Variants in SDK1 observed in about 807,000 individuals in gnomAD.
SDK1 encodes sidekick cell adhesion molecule 1.
In SDK1, 157 loss-of-function variants were observed where a neutral mutation model predicts 245.5. The ratio of observed to expected loss-of-function variants is 0.64; its 90% CI spans 0.56 to 0.73. SDK1 has a LOEUF of 0.73. Ranked by LOEUF, SDK1 falls within the 30% of genes least tolerant of loss-of-function variation. SDK1 has a pLI of 0.00. For synonymous variants in SDK1, 1,647 were observed against 1,278.5 expected (o/e 1.29, Z -6.15); for missense variants, 3,583 against 3,002.3 (o/e 1.19, Z -4.52).
chr7:3,829,526 A>T (rs190317804), intron 5 of SDK1, among the ~76,000 whole-genome samples: 10 of 152,296 alleles, frequency 6.6e-5, no homozygotes, highest in African/African-American at 2.4e-4. Context: ...AGAATAGTCA[A>T]TGGGAAGTTT....
chr7:3,316,627 G>A (rs1779668639), intron 1 of SDK1, among the ~76,000 whole-genome samples: 1 of 152,194 alleles, frequency 6.6e-6, no homozygotes, highest in Non-Finnish European at 1.5e-5. Context: ...TCACAGAAAT[G>A]TGCCACTTTC....
At chr7:3,779,824 CGGG>C (rs1780676128) in intron 4 of SDK1, among the ~76,000 whole-genome samples, 1 of 149,386 alleles carries the variant, frequency 6.7e-6, no homozygotes, top group South Asian at 2.1e-4. Context: ...CCCAGCTACT[CGGG>C]AGGCTGAGGC....
intron 35 of SDK1, among the ~76,000 whole-genome samples, chr7:4,204,858 C>T (rs1414659260): frequency 2.0e-5 from 3 of 151,700 alleles, no homozygotes; most frequent in African/African-American, 4.9e-5. Context: ...AGAGAAAGTG[C>T]GCAGCGTGGA....
chr7:3,724,252 A>G (rs1044601439), intron 4 of SDK1, among the ~76,000 whole-genome samples: 30 of 152,006 alleles, frequency 2.0e-4, no homozygotes, highest in Non-Finnish European at 1.5e-5. Context: ...GGTATGAACC[A>G]CTGCGCCCAG....
chr7:3,472,312 T>G (rs1027216851), intron 1 of SDK1, among the ~76,000 whole-genome samples: 1 of 152,212 alleles, frequency 6.6e-6, no homozygotes, highest in Admixed American at 6.5e-5. Flanking sequence ...TTTCCACATA[T>G]TACTCATTTT....
chr7:3,554,867 G>T (rs1272527851), intron 1 of SDK1, among the ~76,000 whole-genome samples: 5 of 152,110 alleles, frequency 3.3e-5, no homozygotes, highest in Admixed American at 3.3e-4. Flanking sequence ...TAGGAATTAA[G>T]TTAACCAGAG....
At chr7:3,897,488 T>C (rs558272292) in intron 5 of SDK1, among the ~76,000 whole-genome samples, 17 of 152,350 alleles carry the variant, frequency 1.1e-4, no homozygotes, top group Admixed American at 9.8e-4. Context: ...TATCTCAGCA[T>C]AATGTCTTTG....
intron 26 of SDK1, 180 bp from the exon 27 acceptor site, chr7:4,129,728 C>T (rs1031388103): frequency 9.8e-6 from 14 of 1,424,018 alleles, no homozygotes; most frequent in Admixed American, 2.9e-5. Flanking sequence ...ACTTTACAAC[C>T]ACCTTCCTCC....
chr7:3,634,803 T>C (rs1419500303), intron 2 of SDK1, among the ~76,000 whole-genome samples: 1 of 152,242 alleles, frequency 6.6e-6, no homozygotes, highest in African/African-American at 2.4e-5. Flanking sequence ...CAGCATATGC[T>C]TAATATTCAA....
intron 4 of SDK1, among the ~76,000 whole-genome samples, chr7:3,715,902 C>G (rs1423189955): frequency 6.6e-6 from 1 of 152,112 alleles, no homozygotes; most frequent in East Asian, 1.9e-4. Flanking sequence ...ACTATTCATT[C>G]TCCTTGAACA....
chr7:3,971,363 A>T, intron 11 of SDK1, 103 bp from the exon 12 acceptor site: 1 of 752,730 alleles, frequency 1.3e-6, no homozygotes. Flanking sequence ...ATGAGAGAAA[A>T]CTCGGAGGTT....
intron 19 of SDK1, among the ~76,000 whole-genome samples, chr7:4,054,430 G>GT (rs535593596): frequency 3.4e-4 from 52 of 152,220 alleles, no homozygotes; most frequent in Middle Eastern, 3.4e-3. Context: ...CTCCAGTTTT[G>GT]TTTTTTTCTC....
chr7:3,752,580 A>G (rs1779804116), intron 4 of SDK1, among the ~76,000 whole-genome samples: 1 of 152,218 alleles, frequency 6.6e-6, no homozygotes, highest in South Asian at 2.1e-4. Flanking sequence ...CAACATTTAT[A>G]GAAATTATTT....
intron 1 of SDK1, among the ~76,000 whole-genome samples, chr7:3,315,777 A>T (rs1181249748): frequency 6.6e-6 from 1 of 152,148 alleles, no homozygotes; most frequent in Non-Finnish European, 1.5e-5. Flanking sequence ...TATGGTACTA[A>T]AGTTGTTTAG....
At chr7:4,235,883 C>T (rs755057525) in intron 41 of SDK1, among the ~76,000 whole-genome samples, 27 of 152,238 alleles carry the variant, frequency 1.8e-4, no homozygotes, top group Non-Finnish European at 3.4e-4. Context: ...GTATGAGAGT[C>T]CTCCAGGACA....
intron 4 of SDK1, among the ~76,000 whole-genome samples, chr7:3,709,274 C>T (rs2115016373): frequency 6.6e-6 from 1 of 152,342 alleles, no homozygotes; most frequent in South Asian, 2.1e-4. Context: ...GACCCCACAT[C>T]CTTTGGGCTT....
chr7:3,483,084 T>C (rs1433347765), intron 1 of SDK1, among the ~76,000 whole-genome samples: 2 of 152,228 alleles, frequency 1.3e-5, no homozygotes, highest in African/African-American at 4.8e-5. Flanking sequence ...TTTAGAAGTT[T>C]TCTTACATAT....
At chr7:3,727,135 G>A (rs1779035483) in intron 4 of SDK1, among the ~76,000 whole-genome samples, 1 of 152,140 alleles carries the variant, frequency 6.6e-6, no homozygotes, top group African/African-American at 2.4e-5. Context: ...TCTTTTGAAG[G>A]GACTGATTTT....
At chr7:3,869,120 G>A (rs1780895217) in intron 5 of SDK1, among the ~76,000 whole-genome samples, 1 of 150,232 alleles carries the variant, frequency 6.7e-6, no homozygotes, top group South Asian at 2.1e-4. Context: ...GAAACTAACA[G>A]TGTGCTTTTT....
Sources: allele counts gnomAD v4.1 joint callset (sites outside exome capture counted in the v4.1 genomes callset), GRCh38; gene constraint gnomAD v4.1.1; transcripts MANE v1.5; gene names NCBI Gene and HGNC (gene_info 2026-07-23, HGNC 2026-07-21).